Variants in CD302 observed in about 807,000 individuals in gnomAD.
The protein encoded by CD302 is CD302 molecule, also known as CD302 antigen.
In CD302, 23 loss-of-function variants were observed where a neutral mutation model predicts 26.5. That is an observed-to-expected ratio of 0.87 (90% CI 0.62 to 1.23). The LOEUF is 1.23. CD302 is among the 50% of genes most tolerant of loss of function. The pLI, the probability that CD302 is intolerant of heterozygous loss-of-function variation, is 0.00. For missense variants in CD302, 290 were observed against 275.5 expected (o/e 1.05, Z -0.37); for synonymous variants, 90 against 99.4 (o/e 0.91, Z 0.56).
chr2:159,780,446 T>A (rs1468735295), intron 3 of CD302, among the ~76,000 whole-genome samples: 1 of 152,194 alleles, frequency 6.6e-6, no homozygotes, highest in East Asian at 1.9e-4. Flanking sequence ...GAAAAATAGT[T>A]AAATATTAAT....
At chr2:159,788,214 GTACA>G (rs10589353) in intron 1 of CD302, among the ~76,000 whole-genome samples, 87,828 of 151,600 alleles carry the variant, frequency 0.58, 25,714 homozygotes, top group Admixed American at 0.68. Flanking sequence ...CATTTAAGAT[GTACA>G]TAGTCATGCA....
intron 1 of CD302, among the ~76,000 whole-genome samples, chr2:159,796,247 C>T (rs1290676278): frequency 6.6e-6 from 1 of 152,138 alleles, no homozygotes; most frequent in Non-Finnish European, 1.5e-5. Context: ...AAATATGACC[C>T]CTGATCTTGC....
At chr2:159,796,906 G>A (rs1048028702) in intron 1 of CD302, among the ~76,000 whole-genome samples, 1 of 152,176 alleles carries the variant, frequency 6.6e-6, no homozygotes, top group African/African-American at 2.4e-5. Context: ...GAGTTGAGAT[G>A]TTACTGGCTC....
chr2:159,774,554 T>C (rs1397656420), intron 5 of CD302, among the ~76,000 whole-genome samples: 1 of 152,232 alleles, frequency 6.6e-6, no homozygotes, highest in Non-Finnish European at 1.5e-5. Context: ...TTTAAATGAC[T>C]TGCCCAAGTC....
Position 159,771,094 on chromosome 2 carries a change from A to G in CD302, c.*757T>C, listed in dbSNP as rs1404514268. ...ACAGTTTTCATGTCATTGAAGGAAA[A>G]ATTTATAAATGCTTGAGGAGAATGA... On this transcript the variant is annotated 3_prime_UTR_variant, in exon 6 of 6. Coordinates refer to ENST00000259053, the MANE Select transcript of CD302 (RefSeq NM_014880.5). The G allele has an allele frequency of 6.6e-6, 1 of 152,068 alleles. No individual in the cohort carries two copies. Among genetic ancestry groups the G allele is most frequent in the Admixed American group, 6.5e-5 (1 of 15,274 alleles). The allele number at this position is 152,068 out of a possible 1,614,324, so 9.4% of individuals were successfully genotyped here.
At chr2:159,788,353 A>G (rs976620699) in intron 1 of CD302, among the ~76,000 whole-genome samples, 2 of 152,170 alleles carry the variant, frequency 1.3e-5, no homozygotes, top group African/African-American at 2.4e-5. Flanking sequence ...TTGTGCTACA[A>G]TTGCCTACAG....
In CD302 at chr2:159,777,967, A is replaced by G. The variant is rs745938167; in HGVS notation, c.470-3T>C. 1 of 966,458 alleles carries G rather than the reference A, an allele frequency of 1.0e-6. No individual in the cohort carries two copies. Among genetic ancestry groups the G allele is most frequent in the South Asian group, 1.6e-5 (1 of 64,026 alleles). The allele number at this position is 966,458 out of a possible 1,614,324, so 59.9% of individuals were successfully genotyped here. On this transcript the variant is annotated splice_polypyrimidine_tract_variant and splice_region_variant and intron_variant, in intron 4 of 5. Transcript: ENST00000259053. ...TAAATATTTCCTTTTGTATGGGACT[A>G]AAATACAAAAGAAAATAAAAATTAG... is the stretch of plus-strand genomic sequence containing the variant.
chr2:159,794,269 C>CAATAAAATAAAATAAAATAA (rs746352509), intron 1 of CD302, among the ~76,000 whole-genome samples: 165 of 108,400 alleles, frequency 1.5e-3, no homozygotes, highest in African/African-American at 5.7e-3. Context: ...TGTCTCAAAA[C>CAATAAAATAAAATAAAATAA]AATAAAATAA....
chr2:159,797,908 G>A (rs532215645), intron 1 of CD302, among the ~76,000 whole-genome samples: 24 of 152,322 alleles, frequency 1.6e-4, no homozygotes, highest in Admixed American at 4.6e-4. Flanking sequence ...GGAAGACAGA[G>A]CCCTCCCTTA....
At position 159,780,049 on chromosome 2, in the gene CD302, T is replaced by C. The variant is rs1248379295; in HGVS notation, c.425A>G (p.Asn142Ser). 8 of 1,614,152 alleles carry C rather than the reference T, an allele frequency of 5.0e-6. No homozygotes were observed. The highest frequency in any genetic ancestry group is 5.9e-6 in the Non-Finnish European group (7 of 1,180,002). Reference sequence around the variant, plus strand: ...TCCTTCCACAGAAGAAACTTCACAATTTCCTTTTTTCCATTCACCTGTCTT... The same window carrying C: ...TCCTTCCACAGAAGAAACTTCACAACTTCCTTTTTTCCATTCACCTGTCTT... The part of the protein sequence containing the change: ...HIKTGEWKKG[N>S]CEVSSVEGTL... Residue 142 changes from asparagine (N) to serine (S), a missense_variant, in exon 4 of 6, where the codon AAT becomes AGT. Asn to Ser is a conservative substitution (Grantham distance 46, BLOSUM62 1). Coordinates refer to ENST00000259053, the MANE Select transcript of CD302 (RefSeq NM_014880.5).
chr2:159,797,224 G>GA (rs567198178), intron 1 of CD302, among the ~76,000 whole-genome samples: 3 of 133,022 alleles, frequency 2.3e-5, no homozygotes, highest in African/African-American at 8.1e-5. Flanking sequence ...GCAAGGGGTG[G>GA]GGGGGGGGAA....
intron 1 of CD302, among the ~76,000 whole-genome samples, chr2:159,784,382 A>G (rs1328577238): frequency 3.2e-5 from 3 of 94,222 alleles, no homozygotes; most frequent in African/African-American, 1.3e-4. Context: ...TTGAGACAAG[A>G]TCTTGTACTG....
At chr2:159,782,763 T>G (rs1311235122) in intron 2 of CD302, among the ~76,000 whole-genome samples, 1 of 151,956 alleles carries the variant, frequency 6.6e-6, no homozygotes, top group South Asian at 2.1e-4. Flanking sequence ...TTTTACAATG[T>G]GATGTTATAA....
chr2:159,776,861 G>A (rs959032056), intron 5 of CD302, among the ~76,000 whole-genome samples: 2 of 151,856 alleles, frequency 1.3e-5, no homozygotes, highest in African/African-American at 4.8e-5. Flanking sequence ...GCCCGCCACC[G>A]TGCCCGGCTA....
intron 5 of CD302, among the ~76,000 whole-genome samples, chr2:159,772,352 TGATCTAA>T (rs1162146018): frequency 6.6e-6 from 1 of 151,706 alleles, no homozygotes; most frequent in East Asian, 1.9e-4. Flanking sequence ...CTTTACTTTC[TGATCTAA>T]GACTACAAAT....
At chr2:159,775,734 C>T (rs560623674) in intron 5 of CD302, among the ~76,000 whole-genome samples, 13 of 152,192 alleles carry the variant, frequency 8.5e-5, no homozygotes, top group Non-Finnish European at 1.5e-4. Context: ...CACAGAACAA[C>T]TCATTTTGTA....
At chr2:159,773,834 A>G (rs903478935) in intron 5 of CD302, among the ~76,000 whole-genome samples, 1 of 151,688 alleles carries the variant, frequency 6.6e-6, no homozygotes, top group Non-Finnish European at 1.5e-5. Flanking sequence ...ACAGCATATA[A>G]TAGCTATTTA....
In CD302 at chr2:159,769,769, T is replaced by TATC. The variant is rs1428490531; in HGVS notation, c.*2079_*2081dup. On this transcript the variant is annotated 3_prime_UTR_variant, in exon 6 of 6. Coordinates refer to ENST00000259053, the MANE Select transcript of CD302 (RefSeq NM_014880.5). The stretch of plus-strand genomic sequence containing the variant: ...GGAAGAGCTGCCATTAGGTAGAAAG[T>TATC]ATCAAAATGTACAAAAGAAAGTTGT... 6.6e-6 allele frequency: 1 copy of TATC among 152,136 alleles called. No individual in the cohort carries two copies. The highest frequency in any genetic ancestry group is 1.5e-5 in the Non-Finnish European group (1 of 68,018). The allele number at this position is 152,136 out of a possible 1,614,324, so 9.4% of individuals were successfully genotyped here. A position where few individuals can be genotyped will look rare whatever the true frequency, so the allele number is the denominator to read the frequency against.
intron 4 of CD302, among the ~76,000 whole-genome samples, chr2:159,778,773 C>G (rs114834436): frequency 0.053 from 8,028 of 152,126 alleles, 305 homozygotes; most frequent in Middle Eastern, 0.092. Context: ...TCAAAAAGTG[C>G]TGGGATTACA....
Sources: allele counts gnomAD v4.1 joint callset (sites outside exome capture counted in the v4.1 genomes callset), GRCh38; gene constraint gnomAD v4.1.1; transcripts MANE v1.5; gene names NCBI Gene and HGNC (gene_info 2026-07-23, HGNC 2026-07-21).